Variants in FAT3 observed in about 807,000 individuals in gnomAD.
FAT3 encodes the protein protocadherin Fat 3.
In FAT3, 95 loss-of-function variants were observed where a neutral mutation model predicts 310.2. The observed-to-expected ratio is 0.31, with a 90% CI of 0.26 to 0.36. The LOEUF is 0.36. Ranked by LOEUF, FAT3 falls within the 10% of genes least tolerant of loss-of-function variation. The pLI is 1.00. For synonymous variants in FAT3, 2,314 were observed against 2,192.9 expected, an observed-to-expected ratio of 1.06 and a Z score of -1.54; for missense variants, 5,408 against 5,715.6, an observed-to-expected ratio of 0.95 and a Z score of 1.74.
At chr11:92,337,931 G>A (rs1280193829) in intron 1 of FAT3, among the ~76,000 whole-genome samples, 1 of 152,130 alleles carries the variant, frequency 6.6e-6, no homozygotes, top group African/African-American at 2.4e-5. Flanking sequence ...TTTGTTCATA[G>A]TGGTCAAATC....
intron 1 of FAT3, among the ~76,000 whole-genome samples, chr11:92,237,120 A>G (rs927412026): frequency 1.3e-5 from 2 of 152,230 alleles, no homozygotes; most frequent in Admixed American, 1.3e-4. Context: ...CAGCTGGGAT[A>G]TACTGCATAT....
At position 92,882,867 on chromosome 11, in the gene FAT3, C is replaced by G. The variant is rs753851528; in HGVS notation, c.12411C>G (p.Pro4137=). 3 of 1,612,168 alleles carry G rather than the reference C, an allele frequency of 1.9e-6. No homozygotes were observed. Among genetic ancestry groups the G allele is most frequent in the Non-Finnish European group, 2.5e-6 (3 of 1,179,350 alleles). The change falls in exon 24 of 28, where the codon CCC becomes CCG. Residue 4137 remains proline, a synonymous_variant. Coordinates refer to ENST00000525166, the MANE Select transcript of FAT3 (RefSeq NM_001367949.2). ...TGGGCCAGTACTGCGGGCTGCGCCC[C>G]GTGGTGGTACCCAATATCCAGGCTG... ...GYVGQYCGLR[P]VVVPNIQAGH...
intron 13 of FAT3, among the ~76,000 whole-genome samples, chr11:92,829,717 C>A (rs1948192230): frequency 6.6e-6 from 1 of 152,090 alleles, no homozygotes; most frequent in Admixed American, 6.5e-5. Flanking sequence ...ATCCCAGCAT[C>A]AATAAAATCA....
intron 2 of FAT3, among the ~76,000 whole-genome samples, chr11:92,484,277 A>T (rs367760706): frequency 6.6e-6 from 1 of 152,088 alleles, no homozygotes; most frequent in African/African-American, 2.4e-5. Context: ...CTTATTTTAT[A>T]TTTTATTTAC....
chr11:92,354,814 C>G lies in FAT3; in HGVS notation c.2702C>G (p.Ser901Cys). ...QLDRESKANY[S>C]LKIEARDKAE... ...GACCGGGAATCCAAAGCCAATTATT[C>G]TTTGAAAATAGAAGCCAGGGACAAG... The change falls in exon 2 of 28, where the codon TCT (serine) becomes TGT (cysteine). Residue 901 changes from serine (S) to cysteine (C), a missense_variant. Ser to Cys is a moderately radical substitution (Grantham distance 112, BLOSUM62 -1). Coordinates refer to ENST00000525166, the MANE Select transcript of FAT3 (RefSeq NM_001367949.2). The G allele has an allele frequency of 1.2e-6, 2 of 1,613,860 alleles. No homozygotes were observed. Among genetic ancestry groups the G allele is most frequent in the Non-Finnish European group, 1.7e-6 (2 of 1,179,850 alleles).
intron 3 of FAT3, among the ~76,000 whole-genome samples, chr11:92,534,279 G>A (rs11019986): frequency 3.3e-5 from 5 of 152,248 alleles, no homozygotes; most frequent in South Asian, 2.1e-4. Flanking sequence ...ACAGTCCTGG[G>A]GGGGGAGGGG....
chr11:92,834,292 A>G (rs1190143425), intron 14 of FAT3, among the ~76,000 whole-genome samples: 1 of 152,172 alleles, frequency 6.6e-6, no homozygotes, highest in South Asian at 2.1e-4. Context: ...GGGCTGTTTG[A>G]TTTCCAGGTA....
chr11:92,269,383 G>T (rs16917295), intron 1 of FAT3, among the ~76,000 whole-genome samples: 1,566 of 152,110 alleles, frequency 0.01, 22 homozygotes, highest in African/African-American at 0.036. Flanking sequence ...GGTAGACACT[G>T]GTTCCTTTCA....
At chr11:92,616,573 G>A (rs555545392) in intron 3 of FAT3, among the ~76,000 whole-genome samples, 2 of 152,290 alleles carry the variant, frequency 1.3e-5, no homozygotes, top group South Asian at 2.1e-4. Flanking sequence ...TCCTAGAATC[G>A]ATGGTCTTTA....
chr11:92,314,520 T>A (rs2134466713), intron 1 of FAT3, among the ~76,000 whole-genome samples: 1 of 152,252 alleles, frequency 6.6e-6, no homozygotes, highest in South Asian at 2.1e-4. Flanking sequence ...GGTCTGGAAA[T>A]TGGAGTTTGG....
At chr11:92,442,303 C>A (rs1271170533) in intron 2 of FAT3, among the ~76,000 whole-genome samples, 2 of 148,530 alleles carry the variant, frequency 1.3e-5, no homozygotes, top group African/African-American at 5.0e-5. Context: ...TTAGTAGAGA[C>A]GGGGTTTCAC....
chr11:92,336,409 C>T (rs989963467), intron 1 of FAT3: 9 of 338,208 alleles, frequency 2.7e-5, no homozygotes, highest in South Asian at 2.3e-4. Context: ...AAGCTGGATT[C>T]CCAGCGGAGG....
At chr11:92,759,081 A>G (rs1249934377) in intron 4 of FAT3, among the ~76,000 whole-genome samples, 2 of 152,180 alleles carry the variant, frequency 1.3e-5, no homozygotes, top group African/African-American at 4.8e-5. Context: ...AGCAGCATGT[A>G]GGTAGTAGAT....
intron 2 of FAT3, among the ~76,000 whole-genome samples, chr11:92,404,785 A>G (rs1209716606): frequency 1.3e-5 from 2 of 151,958 alleles, no homozygotes; most frequent in Non-Finnish European, 2.9e-5. Flanking sequence ...AGTATCACTC[A>G]ACCCAATCCA....
At chr11:92,376,884 G>C (rs1266930074) in intron 2 of FAT3, among the ~76,000 whole-genome samples, 1 of 152,172 alleles carries the variant, frequency 6.6e-6, no homozygotes, top group East Asian at 1.9e-4. Context: ...GAATTTCCAT[G>C]AGTAAGCAAA....
chr11:92,609,136 T>C (rs1295601920), intron 3 of FAT3, among the ~76,000 whole-genome samples: 2 of 152,244 alleles, frequency 1.3e-5, no homozygotes, highest in Non-Finnish European at 2.9e-5. Context: ...TCTTTTTTAC[T>C]GATATTTATT....
intron 21 of FAT3, among the ~76,000 whole-genome samples, chr11:92,863,537 G>A (rs1949168643): frequency 6.6e-6 from 1 of 151,950 alleles, no homozygotes; most frequent in South Asian, 2.1e-4. Context: ...ATAACATTAG[G>A]GCAACACTCT....
intron 2 of FAT3, among the ~76,000 whole-genome samples, chr11:92,471,598 T>C (rs1465034570): frequency 6.6e-6 from 1 of 152,222 alleles, no homozygotes; most frequent in East Asian, 1.9e-4. Context: ...ATGGGGATGG[T>C]GTAAATTGTT....
At chr11:92,751,004 A>G (rs1231479407) in intron 4 of FAT3, among the ~76,000 whole-genome samples, 2 of 152,216 alleles carry the variant, frequency 1.3e-5, no homozygotes, top group Admixed American at 6.5e-5. Context: ...TGTGGCCTCC[A>G]GGTGCAGCTG....
Sources: gnomAD v4.1 joint callset for allele counts (sites outside exome capture counted in the v4.1 genomes callset) on GRCh38, gnomAD v4.1.1 for gene constraint, MANE v1.5 for transcripts, NCBI Gene and HGNC (gene_info 2026-07-23, HGNC 2026-07-21) for gene names.